The following NRXN2 variants were observed in gnomAD, a reference collection of about 807,000 sequenced individuals.
NRXN2 encodes neurexin-2-beta.
A neutral mutation model predicts 128.8 loss-of-function variants in NRXN2; 29 were observed. That is an observed-to-expected ratio of 0.23 (90% CI 0.17 to 0.31). The LOEUF (loss-of-function observed/expected upper bound fraction) is 0.31, where lower values mean the gene tolerates loss of function less well. Among genes scored for constraint, NRXN2 ranks in the 10% least tolerant of loss-of-function variants. The pLI, the probability that NRXN2 is intolerant of heterozygous loss-of-function variation, is 1.00. For missense variants in NRXN2, 1,881 were observed against 2,452.6 expected, an observed-to-expected ratio of 0.77 and a Z score of 4.92; for synonymous variants, 1,098 against 1,075.2, an observed-to-expected ratio of 1.02 and a Z score of -0.41.
chr11:64,688,503 T>C (rs2053388702), intron 5 of NRXN2: 28 of 985,228 alleles, frequency 2.8e-5, no homozygotes, highest in Non-Finnish European at 3.1e-5. Context: ...GGGGTGAGCC[T>C]GTAGGGGCGG....
Position 64,648,333 on chromosome 11 carries a change from T to G in NRXN2, c.3289A>C (p.Ser1097Arg). 6.2e-7 allele frequency: 1 copy of G among 1,614,226 alleles called. No homozygotes were observed. The highest frequency in any genetic ancestry group is 1.6e-4 in the Middle Eastern group (1 of 6,062). The part of the protein sequence containing the change: ...GQVERGCDGP[S>R]TTCTEESCAN... ...CAGGACTCTTCAGTGCAGGTGGTGCTGGGGCCTGGAAGGGGCAGGAGAAAG... is the reference window on the plus strand; with the variant it reads ...CAGGACTCTTCAGTGCAGGTGGTGCGGGGGCCTGGAAGGGGCAGGAGAAAG... Residue 1097 changes from serine to arginine, a missense_variant, in exon 17 of 23, where the codon AGC (serine) becomes CGC (arginine). This residue lies in a region of NRXN2 where 390 missense variants were observed against 599.6 expected (regional missense o/e 0.65). Transcript: ENST00000265459. The surrounding 1 kb of genome is among the most constrained non-coding windows in gnomAD (Gnocchi z 4.1).
rs532835619 is a variant in NRXN2, at chr11:64,623,095, G to C, written c.3848-17C>G. 175 of 1,588,444 alleles carry C rather than the reference G, an allele frequency of 1.1e-4. No homozygotes were observed. Among genetic ancestry groups the C allele is most frequent in the Admixed American group, 4.1e-4 (23 of 56,558 alleles). ...GCTGGCGGCCTTGCAGGAGTGGAAG[G>C]GGGTGACAGAGAAGGGGCAGGCAGT... On this transcript the variant is annotated splice_polypyrimidine_tract_variant and intron_variant, in intron 20 of 22. Coordinates refer to ENST00000265459, the MANE Select transcript of NRXN2 (RefSeq NM_015080.4). This position sits in a 1 kb window ranked among gnomAD's most constrained non-coding sequence, Gnocchi z 4.9.
intron 11 of NRXN2, chr11:64,659,384 C>T (rs1782918853): frequency 6.6e-6 from 1 of 152,176 alleles, no homozygotes; most frequent in Admixed American, 6.5e-5. Context: ...TTCTTTTTGC[C>T]CTGACTAGGA....
In NRXN2 at chr11:64,697,658, C is replaced by T. The variant is rs73492192; in HGVS notation, c.748+117G>A. On this transcript the variant is annotated intron_variant, in intron 3 of 22. Transcript: ENST00000265459. ...AGGGAGGACCCCAGACATCCTTCTC[C>T]GGAGAGGCCCTAAACATGGCAGGAA... 1.0e-3 allele frequency: 1,257 copies of T among 1,208,708 alleles called. 9 individuals are homozygous for T. In the African/African-American group the frequency reaches 0.016, roughly 15 times the overall value. The allele number at this position is 1,208,708 out of a possible 1,614,324, so 74.9% of individuals were successfully genotyped here.
intron 7 of NRXN2, among the ~76,000 whole-genome samples, chr11:64,670,106 C>T (rs984034211): frequency 6.6e-6 from 1 of 152,086 alleles, no homozygotes; most frequent in African/African-American, 2.4e-5. Flanking sequence ...GACCCCAAGT[C>T]CCCCTTGTGC....
rs569535352 is a variant in NRXN2 at position 64,622,155 on chromosome 11, T to C, written c.4173+598A>G. On this transcript the variant is annotated intron_variant, in intron 21 of 22. Transcript: ENST00000265459. The surrounding 1 kb of genome is among the most constrained non-coding windows in gnomAD (Gnocchi z 4.3). ...CTGCCTGAGTTGTGGTGCCTGCTCA[T>C]AGTCACATGGAGAGGGCTTGTGAAG... Among the ~76,000 whole-genome samples the C allele has an allele frequency of 6.6e-6, 1 of 152,150 alleles. No individual in the cohort carries two copies. Among genetic ancestry groups the C allele is most frequent in the Non-Finnish European group, 1.5e-5 (1 of 68,006 alleles).
intron 2 of NRXN2, chr11:64,712,556 A>C: frequency 3.2e-6 from 1 of 313,934 alleles, no homozygotes; most frequent in Non-Finnish European, 6.8e-6. Flanking sequence ...ACTGTCCTTC[A>C]GGGGCCCCAT....
intron 6 of NRXN2, among the ~76,000 whole-genome samples, chr11:64,683,187 T>C (rs551837451): frequency 1.3e-5 from 2 of 152,330 alleles, no homozygotes; most frequent in African/African-American, 4.8e-5. Flanking sequence ...TGAAGACAGA[T>C]GTCATTTCTC....
In NRXN2 at chr11:64,607,570, C is replaced by T. The variant is rs1445617696; in HGVS notation, c.4765G>A (p.Glu1589Lys). Reference protein sequence around the residue: ...PLGPGAPTSFEPRRPPPLRPG... With the variant: ...PLGPGAPTSFKPRRPPPLRPG... ...CGCAGGGGAGGGGGCCTCCGCGGCT[C>T]AAAGGACGTGGGGGCCCCGGGCCCC... The change falls in exon 23 of 23, where the codon GAG becomes AAG. Residue 1589 changes from glutamate to lysine, a missense_variant. By Grantham distance (56) the Glu-to-Lys change is moderately conservative. This residue lies in a region of NRXN2 where 310 missense variants were observed against 318.2 expected (regional missense o/e 0.97). Transcript: ENST00000265459. 1 of 1,535,644 alleles carries T rather than the reference C, an allele frequency of 6.5e-7. No individual in the cohort carries two copies. The highest frequency in any genetic ancestry group is 2.4e-5 in the East Asian group (1 of 41,456).
chr11:64,704,934 C>T (rs1280666481), intron 2 of NRXN2, among the ~76,000 whole-genome samples: 2 of 152,124 alleles, frequency 1.3e-5, no homozygotes, highest in Non-Finnish European at 2.9e-5. Context: ...AAGAGATTTC[C>T]ATCTAAAATG....
intron 12 of NRXN2, among the ~76,000 whole-genome samples, chr11:64,653,091 C>T (rs1371209320): frequency 1.3e-5 from 2 of 152,116 alleles, no homozygotes; most frequent in Non-Finnish European, 2.9e-5. Context: ...CAGCATTGAG[C>T]CCAGGCGCAC....
chr11:64,642,665 C>G, intron 17 of NRXN2: 1 of 1,575,898 alleles, frequency 6.3e-7, no homozygotes, highest in Non-Finnish European at 8.6e-7. Flanking sequence ...CCCTCGGCCG[C>G]CCCCAGCAGC....
rs1430836641 is a variant in NRXN2, at chr11:64,620,381, C to G, written c.4174-9G>C. 1 of 1,550,888 alleles carries G rather than the reference C, an allele frequency of 6.4e-7. No individual in the cohort carries two copies. Among genetic ancestry groups the G allele is most frequent in the South Asian group, 1.2e-5 (1 of 84,046 alleles). On this transcript the variant is annotated splice_polypyrimidine_tract_variant and intron_variant, in intron 21 of 22. Transcript: ENST00000265459. ...AGCAGGTCATCTGTGTTCTGAGGGGCGAGAGAAGGGGTGGGGAAAGAGAGG... is the reference window on the plus strand; with the variant it reads ...AGCAGGTCATCTGTGTTCTGAGGGGGGAGAGAAGGGGTGGGGAAAGAGAGG...
At chr11:64,642,756 C>CG in intron 17 of NRXN2, 1 of 1,227,100 alleles carries the variant, frequency 8.1e-7, no homozygotes, top group Non-Finnish European at 1.0e-6. Flanking sequence ...CAGCCAGGGC[C>CG]GGGGGGCGGC....
At position 64,607,277 on chromosome 11, in the gene NRXN2, C is replaced by G; in HGVS notation, c.5058G>C (p.Ala1686=). 1.9e-6 allele frequency: 3 copies of G among 1,613,952 alleles called. No homozygotes were observed. Among genetic ancestry groups the G allele is most frequent in the Non-Finnish European group, 2.5e-6 (3 of 1,179,940 alleles). Residue 1686 remains alanine, a synonymous_variant, in exon 23 of 23, where the codon GCG becomes GCC. Transcript: ENST00000265459. ...CAGCCGGGGCCTTCTCTTTCACCAC[C>G]GCCCCATTGCTCTGGGCCGAGTTAC... The part of the protein sequence containing the change: ...YISNSAQSNG[A]VVKEKAPAAP...
At position 64,667,190 on chromosome 11, in the gene NRXN2, T is replaced by C; in HGVS notation, c.1798+60A>G. ...ACCCGCTGAAGAGAGACGGAGAGGA[T>C]GTCAGGGCAGATGGAAAGGGGTGGC... On this transcript the variant is annotated intron_variant, in intron 9 of 22. Transcript: ENST00000265459. This position sits in a 1 kb window ranked among gnomAD's most constrained non-coding sequence, Gnocchi z 5.6. 5 of 1,545,580 alleles carry C rather than the reference T, an allele frequency of 3.2e-6. No individual in the cohort carries two copies. The South Asian group carries it at 5.6e-5, about 17-fold the overall frequency.
At chr11:64,611,887 C>T (rs2040700920) in intron 22 of NRXN2, among the ~76,000 whole-genome samples, 1 of 151,934 alleles carries the variant, frequency 6.6e-6, no homozygotes, top group Non-Finnish European at 1.5e-5. Flanking sequence ...GAGGTGTCCT[C>T]CCCTCACCCA....
chr11:64,695,251 A>C (rs2054341671), intron 3 of NRXN2, among the ~76,000 whole-genome samples: 1 of 152,150 alleles, frequency 6.6e-6, no homozygotes, highest in Non-Finnish European at 1.5e-5. Context: ...CTGCTGGAAA[A>C]GAGACTGGCA....
chr11:64,642,881 C>G (rs1207453378), intron 17 of NRXN2: 21 of 1,034,334 alleles, frequency 2.0e-5, no homozygotes, highest in Middle Eastern at 4.6e-4. Flanking sequence ...GCGAAGCCCC[C>G]CTCCGGCTCC....
Sources: gnomAD v4.1 joint callset for allele counts (sites outside exome capture counted in the v4.1 genomes callset) on GRCh38, gnomAD v4.1.1 for gene constraint, gnomAD v4.1.1 regional missense constraint, Gnocchi (gnomAD v3.1) non-coding constraint, MANE v1.5 for transcripts, NCBI Gene and HGNC (gene_info 2026-07-23, HGNC 2026-07-21) for gene names.